The following LY96 variants were observed in gnomAD, a reference collection of about 807,000 sequenced individuals.
LY96 encodes lymphocyte antigen 96, also known as myeloid differentiation protein-2.
LY96 carries 18 observed loss-of-function variants against 18.9 expected under a neutral mutation model. The observed-to-expected ratio is 0.95, with a 90% CI of 0.66 to 1.41. LY96 has a LOEUF of 1.41. Ranked by LOEUF, LY96 falls within the 40% of genes most tolerant of loss-of-function variation. The pLI, the probability that LY96 is intolerant of heterozygous loss-of-function variation, is 0.00. For synonymous variants in LY96, 66 were observed against 62.6 expected (o/e 1.06, Z -0.26); for missense variants, 175 against 182.4 (o/e 0.96, Z 0.23).
the LY96 span, among the ~76,000 whole-genome samples, chr8:74,054,658 T>TTCTTTCTTTCTC: frequency 1.4e-5 from 2 of 141,974 alleles, no homozygotes; most frequent in Non-Finnish European, 1.5e-5. Context: ...CTTTCTTTCT[T>TTCTTTCTTTCTC]TCTTTCTTTC....
intron 1 of LY96, among the ~76,000 whole-genome samples, chr8:74,001,954 CCTTCCTTCCTTCCTTCCT>C (rs1816279714): frequency 7.0e-6 from 1 of 143,018 alleles, no homozygotes; most frequent in African/African-American, 2.6e-5. Flanking sequence ...TTCCTTCCTT[CCTTCCTTCCTTCCTTCCT>C]TCCTTCCCTC....
chr8:74,086,786 G>C, the LY96 span, among the ~76,000 whole-genome samples: 1 of 152,198 alleles, frequency 6.6e-6, no homozygotes, highest in African/African-American at 2.4e-5. Context: ...TTATAAAAGA[G>C]GTGCCAGTGA....
chr8:74,048,199 C>A, the LY96 span, among the ~76,000 whole-genome samples: 1 of 152,176 alleles, frequency 6.6e-6, no homozygotes, highest in African/African-American at 2.4e-5. Context: ...GGCATCAGCT[C>A]CCACCATTAT....
At chr8:74,041,164 T>G in the LY96 span, among the ~76,000 whole-genome samples, 1 of 152,158 alleles carries the variant, frequency 6.6e-6, no homozygotes, top group South Asian at 2.1e-4. Flanking sequence ...CCTGTCTTTA[T>G]TTCAATCTCT....
downstream of LY96, among the ~76,000 whole-genome samples, chr8:74,031,814 A>C (rs187887348): frequency 7.4e-3 from 1,127 of 152,066 alleles, 10 homozygotes; most frequent in African/African-American, 0.026. Context: ...GGAAGGGCAA[A>C]ATGAAGCAAC....
the LY96 span, among the ~76,000 whole-genome samples, chr8:74,098,183 T>C: frequency 4.9e-4 from 75 of 152,174 alleles, no homozygotes; most frequent in Non-Finnish European, 2.4e-4. Context: ...GCTCTAGCCC[T>C]TCGGTATTCA....
intron 3 of LY96, among the ~76,000 whole-genome samples, chr8:74,012,805 TAATTTTTTTGTAAAATTATTGTA>T (rs1421385398): frequency 6.6e-6 from 1 of 152,166 alleles, no homozygotes; most frequent in Non-Finnish European, 1.5e-5. Flanking sequence ...TATTTACATA[TAATTTTTTTGTAAAATTATTGTA>T]AATTTTTTGT....
chr8:74,063,316 C>T, the LY96 span, among the ~76,000 whole-genome samples: 1 of 152,172 alleles, frequency 6.6e-6, no homozygotes, highest in Non-Finnish European at 1.5e-5. Flanking sequence ...TCTTATTCTA[C>T]TTGTTCAAAT....
intron 3 of LY96, among the ~76,000 whole-genome samples, chr8:74,014,482 AG>A (rs924763757): frequency 7.3e-6 from 1 of 137,494 alleles, no homozygotes; most frequent in African/African-American, 2.9e-5. Flanking sequence ...AAGAACAGGC[AG>A]GTTTTTTTTT....
the LY96 span, among the ~76,000 whole-genome samples, chr8:74,046,389 G>A: frequency 4.2e-4 from 64 of 152,246 alleles, no homozygotes; most frequent in African/African-American, 1.4e-3. Context: ...CTTGGAACTG[G>A]TAATTTAATG....
the LY96 span, among the ~76,000 whole-genome samples, chr8:74,093,412 A>G: frequency 2.0e-5 from 3 of 152,236 alleles, no homozygotes; most frequent in African/African-American, 7.2e-5. Flanking sequence ...TTGTTGAACA[A>G]ATATTTTTGA....
At chr8:74,026,676 A>G (rs1333897461) in intron 3 of LY96, 113 bp from the exon 4 acceptor site, 1 of 682,796 alleles carries the variant, frequency 1.5e-6, no homozygotes, top group Non-Finnish European at 2.7e-6. Context: ...ATTTTTCTAC[A>G]GTTTTGCTTG....
chr8:74,081,038 CTTTCTTTCTT>C, the LY96 span, among the ~76,000 whole-genome samples: 119 of 110,720 alleles, frequency 1.1e-3, 2 homozygotes, highest in Admixed American at 1.3e-3. Context: ...TTCTTTCTTT[CTTTCTTTCTT>C]TTTCTTTCTT....
the LY96 span, among the ~76,000 whole-genome samples, chr8:74,050,696 C>T: frequency 1.3e-5 from 2 of 152,128 alleles, no homozygotes; most frequent in African/African-American, 4.8e-5. Flanking sequence ...ATAATTACCA[C>T]CACCAATCCT....
chr8:73,993,332 G>A (rs1563706378), intron 1 of LY96, among the ~76,000 whole-genome samples: 1 of 151,698 alleles, frequency 6.6e-6, no homozygotes, highest in Admixed American at 6.6e-5. Context: ...GCTGGAGTGA[G>A]TGGCATGATC....
chr8:74,067,217 G>A, the LY96 span, among the ~76,000 whole-genome samples: 1 of 152,112 alleles, frequency 6.6e-6, no homozygotes, highest in Non-Finnish European at 1.5e-5. Flanking sequence ...TTTACTGTAT[G>A]TGTATATGTA....
chr8:74,051,754 C>T, the LY96 span, among the ~76,000 whole-genome samples: 2 of 152,158 alleles, frequency 1.3e-5, no homozygotes, highest in Admixed American at 6.5e-5. Context: ...TGTCTGTGAA[C>T]GAGGTAGTCG....
At chr8:74,020,896 T>C (rs1371841934) in intron 3 of LY96, among the ~76,000 whole-genome samples, 1 of 152,238 alleles carries the variant, frequency 6.6e-6, no homozygotes, top group East Asian at 1.9e-4. Context: ...GATCCTTTCC[T>C]TAAATCTTAT....
chr8:74,033,008 A>C (rs1023472670), downstream of LY96, among the ~76,000 whole-genome samples: 5 of 152,302 alleles, frequency 3.3e-5, no homozygotes, highest in Admixed American at 3.3e-4. Flanking sequence ...AATATTCTCC[A>C]ACAAAAATTT....
Sources: allele counts gnomAD v4.1 joint callset (sites outside exome capture counted in the v4.1 genomes callset), GRCh38; gene constraint gnomAD v4.1.1; transcripts MANE v1.5; gene names NCBI Gene and HGNC (gene_info 2026-07-23, HGNC 2026-07-21).